Variants in PRMT1 observed in about 807,000 individuals in gnomAD.
The protein encoded by PRMT1 is protein arginine N-methyltransferase 1.
A neutral mutation model predicts 47.4 loss-of-function variants in PRMT1; 5 were observed. That is an observed-to-expected ratio of 0.11 (90% confidence interval 0.06 to 0.22). The LOEUF (loss-of-function observed/expected upper bound fraction) is 0.22, where lower values mean the gene tolerates loss of function less well. Among genes scored for constraint, PRMT1 ranks in the 10% least tolerant of loss-of-function variants. The probability of loss-of-function intolerance (pLI) is 1.00; values close to 1 mark genes in which losing one functional copy is unlikely to be tolerated. For missense variants in PRMT1, 249 were observed against 518.4 expected (o/e 0.48, Z 5.05); for synonymous variants, 227 against 204.6 (o/e 1.11, Z -0.94).
rs1262626414 is a variant in PRMT1, at chr19:49,681,160, C to A, written c.192+572C>A. Among the ~76,000 whole-genome samples, 1 of 152,204 alleles carries A rather than the reference C, an allele frequency of 6.6e-6. No homozygotes were observed. Among genetic ancestry groups the A allele is most frequent in the Non-Finnish European group, 1.5e-5 (1 of 68,042 alleles). On this transcript the variant is annotated intron_variant, in intron 3 of 10. Transcript: ENST00000454376. This position sits in a 1 kb window ranked among gnomAD's most constrained non-coding sequence, Gnocchi z 4.4. ...GACCTCCCCGGCTCAGGTGATCCCCCCACTTCCACTTTCGGAGTAGCTGGG... is the reference window on the plus strand; with the variant it reads ...GACCTCCCCGGCTCAGGTGATCCCCACACTTCCACTTTCGGAGTAGCTGGG...
chr19:49,683,512 C>A (rs1254214951), intron 5 of PRMT1: 2 of 176,054 alleles, frequency 1.1e-5, no homozygotes, highest in South Asian at 1.1e-4. Context: ...CACGGTGACA[C>A]CCTGTCTCTA....
chr19:49,683,426 C>T (rs907690536), intron 5 of PRMT1, among the ~76,000 whole-genome samples: 19 of 151,936 alleles, frequency 1.3e-4, no homozygotes, highest in South Asian at 2.1e-4. Flanking sequence ...CAGTGGCTCA[C>T]GCCTGTAATC....
Position 49,679,853 on chromosome 19 carries a change from C to T in PRMT1, c.37-19C>T, listed in dbSNP as rs1194538654. 3 of 1,606,438 alleles carry T rather than the reference C, an allele frequency of 1.9e-6. No homozygotes were observed. Among genetic ancestry groups the T allele is most frequent in the Admixed American group, 3.4e-5 (2 of 59,680 alleles). On this transcript the variant is annotated intron_variant, in intron 1 of 10. Coordinates refer to ENST00000454376, the MANE Select transcript of PRMT1 (RefSeq NM_001536.6). ...CCACTCCCAGTAGCTAATCCTTTTT[C>T]CCTGTTACTCTCTCCTAGAATTTTG...
rs770250746 is a variant in PRMT1 at position 49,688,233 on chromosome 19, C to T, written c.1104C>T (p.Tyr368=). Residue 368 remains tyrosine (Y), a synonymous_variant, in exon 11 of 11, where the codon TAC becomes TAT. Transcript: ENST00000454376. The surrounding 1 kb of genome is among the most constrained non-coding windows in gnomAD (Gnocchi z 5.3). Reference sequence around the variant, plus strand: ...GCGAGCTGTCCTGCTCCACCGACTACCGGATGCGCTGAGGCCCGGCTCTCC... The same window carrying T: ...GCGAGCTGTCCTGCTCCACCGACTATCGGATGCGCTGAGGCCCGGCTCTCC... ...QLCELSCSTD[Y]RMR is the part of the protein sequence containing the mutation. 3.3e-5 allele frequency: 54 copies of T among 1,613,816 alleles called. No homozygotes were observed. Among genetic ancestry groups the T allele is most frequent in the Non-Finnish European group, 4.4e-5 (52 of 1,179,918 alleles).
rs564808982 is a variant in PRMT1, at chr19:49,681,519, C to T, written c.193-391C>T. Among the ~76,000 whole-genome samples, 70 of 152,210 alleles carry T rather than the reference C, an allele frequency of 4.6e-4. No individual in the cohort carries two copies. Among genetic ancestry groups the T allele is most frequent in the African/African-American group, 1.4e-3 (60 of 41,528 alleles). ...TTAGGGGGCTGAGGTGGGTGGATCACCTGAGGTCAGGAGTTGAAGACCAAC... is the reference window on the plus strand; with the variant it reads ...TTAGGGGGCTGAGGTGGGTGGATCATCTGAGGTCAGGAGTTGAAGACCAAC... On this transcript the variant is annotated intron_variant, in intron 3 of 10. Coordinates refer to ENST00000454376, the MANE Select transcript of PRMT1 (RefSeq NM_001536.6). The surrounding 1 kb of genome is among the most constrained non-coding windows in gnomAD (Gnocchi z 4.4).
chr19:49,683,863 GGGGGA>G, intron 5 of PRMT1, 59 bp from the exon 6 acceptor site: 2 of 1,565,628 alleles, frequency 1.3e-6, no homozygotes. Flanking sequence ...TCTAGCCCCC[GGGGGA>G]GGTGAGGTGA....
chr19:49,680,340 C>G lies in PRMT1; in HGVS notation c.91-147C>G. ...TTAGGTTTTGGGGTTCCTGGGGGGG[C>G]AAGATGGCAGGCGGGGGCTGTAGGG... On this transcript the variant is annotated intron_variant, in intron 2 of 10. Transcript: ENST00000454376. This position sits in a 1 kb window ranked among gnomAD's most constrained non-coding sequence, Gnocchi z 4.2. 1 of 1,109,400 alleles carries G rather than the reference C, an allele frequency of 9.0e-7. No homozygotes were observed. Among genetic ancestry groups the G allele is most frequent in the South Asian group, 1.3e-5 (1 of 75,746 alleles). 68.7% of individuals were successfully genotyped at this position (1,109,400 alleles called of 1,614,324 possible).
chr19:49,679,305 G>A (rs1352921931), intron 1 of PRMT1, among the ~76,000 whole-genome samples: 3 of 152,142 alleles, frequency 2.0e-5, no homozygotes, highest in Non-Finnish European at 2.9e-5. Context: ...TTTTGTTTGG[G>A]GCTCCTGAGT....
chr19:49,679,854 CCT>C lies in PRMT1; in HGVS notation c.37-17_37-16del. On this transcript the variant is annotated splice_polypyrimidine_tract_variant and intron_variant, in intron 1 of 10. Transcript: ENST00000454376. Reference sequence around the variant, plus strand: ...CACTCCCAGTAGCTAATCCTTTTTCCCTGTTACTCTCTCCTAGAATTTTGTAG... The same window carrying C: ...CACTCCCAGTAGCTAATCCTTTTTCCGTTACTCTCTCCTAGAATTTTGTAG... 4 of 1,607,564 alleles carry C rather than the reference CCT, an allele frequency of 2.5e-6. No individual in the cohort carries two copies. Among genetic ancestry groups the C allele is most frequent in the Non-Finnish European group, 3.4e-6 (4 of 1,174,832 alleles).
chr19:49,679,799 C>G (rs948867589), intron 1 of PRMT1, 73 bp from the exon 2 acceptor site: 12 of 1,230,188 alleles, frequency 9.8e-6, no homozygotes, highest in Non-Finnish European at 1.4e-5. Flanking sequence ...CGGCCAGAGC[C>G]CAGGTTCCGC....
rs2082103605 is a variant in PRMT1, at chr19:49,680,664, C to T, written c.192+76C>T. 2.6e-6 allele frequency: 3 copies of T among 1,160,872 alleles called. No individual in the cohort carries two copies. The highest frequency in any genetic ancestry group is 3.8e-6 in the Non-Finnish European group (3 of 780,538). The allele number at this position is 1,160,872 out of a possible 1,614,324, so 71.9% of individuals were successfully genotyped here. ...GGGGAAGGGGTGGAACCTGTTTTCC[C>T]ACGCATGCGCACTGCTTCCCCTGGC... On this transcript the variant is annotated intron_variant, in intron 3 of 10. Transcript: ENST00000454376. This position sits in a 1 kb window ranked among gnomAD's most constrained non-coding sequence, Gnocchi z 4.2.
chr19:49,682,510 C>T (rs908719865), intron 5 of PRMT1, among the ~76,000 whole-genome samples: 3 of 152,216 alleles, frequency 2.0e-5, no homozygotes, highest in Admixed American at 6.5e-5. Flanking sequence ...TGGTTGGCCA[C>T]GGAAGGCCCA....
In PRMT1 at chr19:49,683,961, G is replaced by A. The variant is rs1217035307; in HGVS notation, c.447G>A (p.Val149=). Residue 149 remains valine, a synonymous_variant, in exon 6 of 11, where the codon GTG becomes GTA. Coordinates refer to ENST00000454376, the MANE Select transcript of PRMT1 (RefSeq NM_001536.6). Reference sequence around the variant, plus strand: ...TCATCAAGGGGAAGGTGGAGGAGGTGGAGCTCCCAGTGGAGAAGGTGGACA... The same window carrying A: ...TCATCAAGGGGAAGGTGGAGGAGGTAGAGCTCCCAGTGGAGAAGGTGGACA... ...VTIIKGKVEE[V]ELPVEKVDII... The A allele has an allele frequency of 1.2e-6, 2 of 1,613,940 alleles. No homozygotes were observed. The highest frequency in any genetic ancestry group is 1.7e-6 in the Non-Finnish European group (2 of 1,180,018).
intron 1 of PRMT1, among the ~76,000 whole-genome samples, chr19:49,678,014 C>T (rs963904521): frequency 5.3e-5 from 8 of 152,116 alleles, no homozygotes; most frequent in African/African-American, 1.7e-4. Flanking sequence ...GCCCCTGTGA[C>T]CTCCCTCTGG....
chr19:49,688,091 G>C lies in PRMT1; in HGVS notation c.1033-71G>C. 1 of 1,337,772 alleles carries C rather than the reference G, an allele frequency of 7.5e-7. No individual in the cohort carries two copies. Among genetic ancestry groups the C allele is most frequent in the Non-Finnish European group, 1.1e-6 (1 of 928,706 alleles). The allele number at this position is 1,337,772 out of a possible 1,614,324, so 82.9% of individuals were successfully genotyped here. A position where few individuals can be genotyped will look rare whatever the true frequency, so the allele number is the denominator to read the frequency against. ...CTGGAGCCCGGCTCATCGTCGCATA[G>C]CCTGCCTGCACCCGCCCCCCGCCAC... On this transcript the variant is annotated intron_variant, in intron 10 of 10. Transcript: ENST00000454376. This position sits in a 1 kb window ranked among gnomAD's most constrained non-coding sequence, Gnocchi z 5.3.
intron 5 of PRMT1, among the ~76,000 whole-genome samples, chr19:49,682,875 T>G (rs2082141104): frequency 7.1e-6 from 1 of 141,384 alleles, no homozygotes; most frequent in African/African-American, 2.7e-5. Context: ...AAGCTCCGCC[T>G]CCTGGGTTCA....
chr19:49,685,520 T>C lies in PRMT1; in HGVS notation c.759+483T>C. 1 of 1,019,742 alleles carries C rather than the reference T, an allele frequency of 9.8e-7. No individual in the cohort carries two copies. The highest frequency in any genetic ancestry group is 1.2e-6 in the Non-Finnish European group (1 of 850,548). 63.2% of individuals were successfully genotyped at this position (1,019,742 alleles called of 1,614,324 possible). A position where few individuals can be genotyped will look rare whatever the true frequency, so the allele number is the denominator to read the frequency against. ...GTTTTGTTTTGTTTTTTCCTTTTGT[T>C]TTTTTTTACTTCTGAGACCCTGTTT... On this transcript the variant is annotated intron_variant, in intron 8 of 10. Transcript: ENST00000454376. The surrounding 1 kb of genome is among the most constrained non-coding windows in gnomAD (Gnocchi z 4.7).
At chr19:49,679,546 G>T in intron 1 of PRMT1, 4 of 627,120 alleles carry the variant, frequency 6.4e-6, no homozygotes, top group Non-Finnish European at 1.2e-5. Flanking sequence ...GAGAGGGAGC[G>T]ACAGCTGGCG....
intron 5 of PRMT1, among the ~76,000 whole-genome samples, chr19:49,683,254 G>A (rs936586027): frequency 1.3e-5 from 2 of 151,670 alleles, no homozygotes; most frequent in African/African-American, 2.4e-5. Context: ...TATAATGAAC[G>A]CACGAGTCCA....
Sources: gnomAD v4.1 joint callset for allele counts (sites outside exome capture counted in the v4.1 genomes callset) on GRCh38, gnomAD v4.1.1 for gene constraint, Gnocchi (gnomAD v3.1) non-coding constraint, MANE v1.5 for transcripts, NCBI Gene and HGNC (gene_info 2026-07-23, HGNC 2026-07-21) for gene names.